The following SS18 variants were observed in gnomAD, a reference collection of about 807,000 sequenced individuals.
The protein encoded by SS18 is protein SSXT.
In SS18, 28 loss-of-function variants were observed where a neutral mutation model predicts 72.5. The observed-to-expected ratio is 0.39, with a 90% CI of 0.29 to 0.53. SS18 has a LOEUF of 0.53. SS18 is among the 20% of genes least tolerant of loss of function. The probability of loss-of-function intolerance (pLI) is 0.76; values close to 1 mark genes in which losing one functional copy is unlikely to be tolerated. For missense variants in SS18, 518 were observed against 535.3 expected, an observed-to-expected ratio of 0.97 and a Z score of 0.32; for synonymous variants, 172 against 164.2, an observed-to-expected ratio of 1.05 and a Z score of -0.37.
At chr18:26,082,822 C>T (rs1296980756) in intron 2 of SS18, among the ~76,000 whole-genome samples, 1 of 152,082 alleles carries the variant, frequency 6.6e-6, no homozygotes, top group Non-Finnish European at 1.5e-5. Flanking sequence ...TATTTTTACA[C>T]ATTTTTGTTT....
At chr18:26,084,526 TATG>T (rs930416182) in intron 2 of SS18, among the ~76,000 whole-genome samples, 21 of 152,124 alleles carry the variant, frequency 1.4e-4, no homozygotes, top group African/African-American at 4.3e-4. Context: ...ACCATAAAGT[TATG>T]ATACCACCTT....
intron 3 of SS18, among the ~76,000 whole-genome samples, chr18:26,076,706 G>A (rs1168680155): frequency 6.6e-6 from 1 of 151,876 alleles, no homozygotes; most frequent in African/African-American, 2.4e-5. Flanking sequence ...CAAAAACAAA[G>A]AAGCTATGAA....
chr18:26,064,377 T>C (rs1463208272), intron 3 of SS18, among the ~76,000 whole-genome samples: 5 of 152,064 alleles, frequency 3.3e-5, no homozygotes, highest in Admixed American at 2.6e-4. Context: ...CACAAAAATG[T>C]TAAACAAAAT....
intron 2 of SS18, chr18:26,080,562 G>A (rs2054499486): frequency 5.8e-6 from 1 of 173,624 alleles, no homozygotes; most frequent in Non-Finnish European, 1.1e-5. Flanking sequence ...GAAGTTGCCT[G>A]CAGTTTTAAA....
At chr18:26,074,104 C>T (rs922235753) in intron 3 of SS18, among the ~76,000 whole-genome samples, 7 of 152,032 alleles carry the variant, frequency 4.6e-5, no homozygotes, top group Non-Finnish European at 8.8e-5. Flanking sequence ...CCAATGTAGT[C>T]TTTGGTATCA....
chr18:26,047,259 C>CAAAAAAA (rs71169806), intron 5 of SS18, among the ~76,000 whole-genome samples: 25 of 75,664 alleles, frequency 3.3e-4, no homozygotes, highest in African/African-American at 7.3e-4. Flanking sequence ...AGTAATATGC[C>CAAAAAAA]AAAAAAAAAA....
At position 26,035,932 on chromosome 18, in the gene SS18, A is replaced by T. The variant is rs1451600694; in HGVS notation, c.881-9T>A. On this transcript the variant is annotated splice_polypyrimidine_tract_variant and intron_variant, in intron 7 of 10. Coordinates refer to ENST00000415083, the MANE Select transcript of SS18 (RefSeq NM_001007559.3). The surrounding 1 kb of genome is among the most constrained non-coding windows in gnomAD (Gnocchi z 4.4). Reference sequence around the variant, plus strand: ...ACCGTAATCATTATGACCTACATCAATTCGACAAGAGACAGGAAGAAACGT... The same window carrying T: ...ACCGTAATCATTATGACCTACATCATTTCGACAAGAGACAGGAAGAAACGT... 6.3e-7 allele frequency: 1 copy of T among 1,584,970 alleles called. No individual in the cohort carries two copies. Among genetic ancestry groups the T allele is most frequent in the Admixed American group, 1.7e-5 (1 of 57,940 alleles).
intron 5 of SS18, among the ~76,000 whole-genome samples, chr18:26,050,126 T>C (rs943872889): frequency 4.0e-5 from 6 of 151,424 alleles, no homozygotes; most frequent in Non-Finnish European, 8.8e-5. Flanking sequence ...TCCCAGCCCC[T>C]AGGAAGGCTG....
intron 10 of SS18, among the ~76,000 whole-genome samples, chr18:26,021,493 AC>A (rs1403070074): frequency 6.6e-6 from 1 of 152,044 alleles, no homozygotes; most frequent in African/African-American, 2.4e-5. Flanking sequence ...TCACTTGAAC[AC>A]TCTAAGCCTC....
chr18:26,083,609 G>C (rs2054567588), intron 2 of SS18, among the ~76,000 whole-genome samples: 1 of 152,120 alleles, frequency 6.6e-6, no homozygotes, highest in Non-Finnish European at 1.5e-5. Context: ...GAACTGAATG[G>C]TAAGTATTTG....
chr18:26,046,101 CG>C (rs1239410349), intron 5 of SS18, among the ~76,000 whole-genome samples: 1 of 144,462 alleles, frequency 6.9e-6, no homozygotes, highest in Non-Finnish European at 1.5e-5. Context: ...GCAGGAGAAT[CG>C]AAACACTTGA....
At chr18:26,024,583 C>T (rs1405566156) in intron 10 of SS18, among the ~76,000 whole-genome samples, 4 of 152,126 alleles carry the variant, frequency 2.6e-5, no homozygotes, top group African/African-American at 9.7e-5. Context: ...TCCCAAAGTG[C>T]TGTAATTATA....
At position 26,050,895 on chromosome 18, in the gene SS18, C is replaced by T. The variant is rs112258803; in HGVS notation, c.607+1729G>A. 8.1e-3 allele frequency among the ~76,000 whole-genome samples: 1,228 copies of T among 151,804 alleles called. 7 individuals carry two copies. Among genetic ancestry groups the T allele is most frequent in the Non-Finnish European group, 0.013 (914 of 67,998 alleles). On this transcript the variant is annotated intron_variant, in intron 5 of 10. Coordinates refer to ENST00000415083, the MANE Select transcript of SS18 (RefSeq NM_001007559.3). ...CTGCACTCCAGCCTGGGCAACAGAG[C>T]CAGACGCCGTCTCAAAATAAATAAA...
intron 3 of SS18, among the ~76,000 whole-genome samples, chr18:26,066,700 T>C (rs1032567953): frequency 6.6e-6 from 1 of 152,188 alleles, no homozygotes; most frequent in African/African-American, 2.4e-5. Context: ...TTCTGAATTT[T>C]ATATATACTG....
intron 2 of SS18, chr18:26,080,442 G>GT (rs2054497846): frequency 1.1e-6 from 1 of 936,210 alleles, no homozygotes; most frequent in Non-Finnish European, 1.3e-6. Context: ...AAAAATTTTA[G>GT]TATCATGTTG....
At position 26,035,905 on chromosome 18, in the gene SS18, T is replaced by A; in HGVS notation, c.899A>T (p.Tyr300Phe). The A allele has an allele frequency of 6.3e-7, 1 of 1,599,330 alleles. No homozygotes were observed. Among genetic ancestry groups the A allele is most frequent in the South Asian group, 1.1e-5 (1 of 88,880 alleles). ...YYPDGHNDYG[Y>F]QQPSYPEQGY... ...TTGTTCAGGATACGACGGTTGCTGA[T>A]AACCGTAATCATTATGACCTACATC... is the stretch of plus-strand genomic sequence containing the variant. The change falls in exon 8 of 11, where the codon TAT becomes TTT. Residue 300 changes from tyrosine to phenylalanine, a missense_variant. Transcript: ENST00000415083. The surrounding 1 kb of genome is among the most constrained non-coding windows in gnomAD (Gnocchi z 4.4).
intron 2 of SS18, among the ~76,000 whole-genome samples, chr18:26,085,678 G>A (rs2054602976): frequency 6.6e-6 from 1 of 152,140 alleles, no homozygotes; most frequent in Non-Finnish European, 1.5e-5. Flanking sequence ...CCTATGGAGG[G>A]GAAGGAGATA....
At chr18:26,084,958 A>T (rs1352954650) in intron 2 of SS18, among the ~76,000 whole-genome samples, 1 of 152,226 alleles carries the variant, frequency 6.6e-6, no homozygotes, top group African/African-American at 2.4e-5. Context: ...TGGTAATTTA[A>T]GAATATGTGC....
intron 2 of SS18, chr18:26,086,128 T>C (rs1955625218): frequency 1.3e-5 from 2 of 152,208 alleles, no homozygotes; most frequent in African/African-American, 4.8e-5. Context: ...AGTATTTACA[T>C]TGTATTAGGT....
Sources: gnomAD v4.1 joint callset for allele counts (sites outside exome capture counted in the v4.1 genomes callset) on GRCh38, gnomAD v4.1.1 for gene constraint, Gnocchi (gnomAD v3.1) non-coding constraint, MANE v1.5 for transcripts, NCBI Gene and HGNC (gene_info 2026-07-23, HGNC 2026-07-21) for gene names.